DOCK9: variants seen among roughly 807,000 people sequenced by gnomAD.
The protein encoded by DOCK9 is dedicator of cytokinesis protein 9.
Under a neutral mutation model 263.3 loss-of-function variants are expected in DOCK9, and 89 were observed. The observed-to-expected ratio is 0.34, with a 90% CI of 0.28 to 0.40. The LOEUF (loss-of-function observed/expected upper bound fraction) is 0.40. Among genes scored for constraint, DOCK9 ranks in the 10% least tolerant of loss-of-function variants. The pLI is 1.00. For synonymous variants in DOCK9, 976 were observed against 973.1 expected (o/e 1.00, Z -0.06); for missense variants, 2,140 against 2,603.4 (o/e 0.82, Z 3.87).
Position 98,906,326 on chromosome 13 carries a change from C to T in DOCK9, c.961-1620G>A, listed in dbSNP as rs570574325. 7.9e-5 allele frequency among the ~76,000 whole-genome samples: 12 copies of T among 152,144 alleles called. 1 individual carries two copies. Among genetic ancestry groups the T allele is most frequent in the African/African-American group, 2.4e-4 (10 of 41,498 alleles). ...CAGAAGAGAGGCCACGGAAGAAAAC[C>T]GACAGATGGTGGCAGAGATGAGGGC... On this transcript the variant is annotated intron_variant, in intron 9 of 52. Coordinates refer to ENST00000682017, the MANE Select transcript of DOCK9 (RefSeq NM_001366683.2).
At chr13:98,868,531 AG>A (rs957880881) in intron 27 of DOCK9, among the ~76,000 whole-genome samples, 154 bp from the exon 28 acceptor site, 3 of 152,194 alleles carry the variant, frequency 2.0e-5, no homozygotes, top group Admixed American at 2.0e-4. Flanking sequence ...TGGGAAGCCA[AG>A]TTGGGAGGAT....
At chr13:99,078,043 G>A (rs910405808) in intron 1 of DOCK9, among the ~76,000 whole-genome samples, 2 of 152,128 alleles carry the variant, frequency 1.3e-5, no homozygotes, top group African/African-American at 2.4e-5. Flanking sequence ...GTGATGAAAT[G>A]ACACTCCCCA....
chr13:99,077,385 A>G (rs1050159385), intron 1 of DOCK9, among the ~76,000 whole-genome samples: 4 of 151,312 alleles, frequency 2.6e-5, no homozygotes, highest in Admixed American at 2.0e-4. Flanking sequence ...AGTGTGTAGC[A>G]CCTCTCCCTT....
At chr13:99,065,093 T>C (rs17786762) in intron 1 of DOCK9, among the ~76,000 whole-genome samples, 8,486 of 152,242 alleles carry the variant, frequency 0.056, 260 homozygotes, top group Middle Eastern at 0.12. Flanking sequence ...CCTAAGGCTA[T>C]AGTTAATGCC....
Position 98,832,436 on chromosome 13 carries a change from C to T in DOCK9, c.4315-650G>A, listed in dbSNP as rs116532859. Reference sequence around the variant, plus strand: ...GAGATCAAGTGTAGAAACCATCTGACGCATACTTTGGTCTAGCTCAGTAGG... The same window carrying T: ...GAGATCAAGTGTAGAAACCATCTGATGCATACTTTGGTCTAGCTCAGTAGG... On this transcript the variant is annotated intron_variant, in intron 39 of 52. Transcript: ENST00000682017. Among the ~76,000 whole-genome samples the T allele has an allele frequency of 1.2e-4, 18 of 152,148 alleles. No individual in the cohort carries two copies. The East Asian group carries it at 1.5e-3, about 13-fold the overall frequency.
At chr13:99,086,703 C>A (rs1196066705), upstream of DOCK9, 1 of 146,594 alleles carries the variant, frequency 6.8e-6, no homozygotes, top group Non-Finnish European at 1.5e-5. Flanking sequence ...GTGTCCGGCG[C>A]GGCGCGGGCG....
chr13:98,944,459 G>C (rs1438713088), intron 2 of DOCK9, among the ~76,000 whole-genome samples: 1 of 145,996 alleles, frequency 6.8e-6, no homozygotes, highest in East Asian at 2.2e-4. Context: ...GAAATACTTT[G>C]TAAGCATAAA....
chr13:98,990,456 G>A (rs762692635), intron 1 of DOCK9, among the ~76,000 whole-genome samples: 1 of 152,180 alleles, frequency 6.6e-6, no homozygotes, highest in Non-Finnish European at 1.5e-5. Context: ...TTTTACAATT[G>A]AGAGTATGTT....
intron 18 of DOCK9, among the ~76,000 whole-genome samples, chr13:98,887,763 T>C (rs2046009442): frequency 6.6e-6 from 1 of 152,102 alleles, no homozygotes; most frequent in South Asian, 2.1e-4. Context: ...ACTGCTATTA[T>C]TATTACTATA....
At chr13:99,041,015 G>GTCA (rs1888403235) in intron 1 of DOCK9, among the ~76,000 whole-genome samples, 1 of 152,160 alleles carries the variant, frequency 6.6e-6, no homozygotes, top group South Asian at 2.1e-4. Flanking sequence ...GTGTCTAAGA[G>GTCA]TCATCAGTCA....
upstream of DOCK9, chr13:99,086,692 G>T (rs1211807954): frequency 6.8e-6 from 1 of 146,810 alleles, no homozygotes; most frequent in Admixed American, 6.8e-5. Context: ...CTCGGGGCGG[G>T]GTGTCCGGCG....
rs192753233 is a variant in DOCK9 at position 98,867,504 on chromosome 13, A to T, written c.3207T>A (p.Arg1069=). 4.3e-6 allele frequency: 7 copies of T among 1,611,586 alleles called. No homozygotes were observed. In the Admixed American group the frequency reaches 1.2e-4, roughly 27 times the overall value. ...TLFEYKFEFL[R]VVCNHEHYIP... is the part of the protein sequence containing the mutation. ...TATAATGTTCATGGTTGCACACTACACGGAGAAATTCAAACTTGTATTCAA... is the reference window on the plus strand; with the variant it reads ...TATAATGTTCATGGTTGCACACTACTCGGAGAAATTCAAACTTGTATTCAA... Residue 1069 remains arginine (R), a synonymous_variant, in exon 30 of 53, where the codon CGT becomes CGA. Coordinates refer to ENST00000682017, the MANE Select transcript of DOCK9 (RefSeq NM_001366683.2).
intron 32 of DOCK9, among the ~76,000 whole-genome samples, 161 bp from the exon 33 acceptor site, chr13:98,860,683 G>T (rs1480229571): frequency 4.0e-5 from 6 of 151,402 alleles, no homozygotes; most frequent in Non-Finnish European, 8.8e-5. Context: ...TGAGGGTGGA[G>T]GGTGGGATGG....
intron 1 of DOCK9, among the ~76,000 whole-genome samples, chr13:99,051,855 CA>C (rs11392986): frequency 0.038 from 4,043 of 105,850 alleles, 151 homozygotes; most frequent in African/African-American, 0.14. Context: ...CCACTAGTGG[CA>C]AAAAAAAAAA....
chr13:99,070,626 G>A lies in DOCK9; in HGVS notation c.129+15597C>T, dbSNP rs143804290. ...CTAAGTGCTTTATATGCAATTGCTC[G>A]CTTAAGTACAAAGATCTATGGGGTA... is the stretch of plus-strand genomic sequence containing the variant. On this transcript the variant is annotated intron_variant, in intron 1 of 32. Coordinates refer to the DOCK9 transcript ENST00000427887. 1.8e-4 allele frequency among the ~76,000 whole-genome samples: 27 copies of A among 152,298 alleles called. No individual in the cohort carries two copies. In the East Asian group the frequency reaches 3.9e-3, roughly 22 times the overall value.
chr13:98,985,074 G>T (rs558109131), intron 1 of DOCK9, among the ~76,000 whole-genome samples: 2 of 149,938 alleles, frequency 1.3e-5, no homozygotes, highest in African/African-American at 2.4e-5. Flanking sequence ...ATGGGGGCAG[G>T]GGGGTGGGCA....
chr13:98,968,180 T>C (rs1044800398), intron 1 of DOCK9, among the ~76,000 whole-genome samples: 3 of 152,224 alleles, frequency 2.0e-5, no homozygotes, highest in African/African-American at 7.2e-5. Context: ...CAAATGTCAA[T>C]GACATCTTAC....
intron 50 of DOCK9, among the ~76,000 whole-genome samples, chr13:98,797,866 T>C: frequency 6.6e-6 from 1 of 152,240 alleles, no homozygotes; most frequent in East Asian, 1.9e-4. Context: ...GGATTTGTGC[T>C]GCACTACACT....
At chr13:99,029,903 T>C (rs1887153461) in intron 1 of DOCK9, among the ~76,000 whole-genome samples, 1 of 152,196 alleles carries the variant, frequency 6.6e-6, no homozygotes, top group Non-Finnish European at 1.5e-5. Flanking sequence ...AACTGGTAAA[T>C]GGATAAACAA....
Sources: gnomAD v4.1 joint callset for allele counts (sites outside exome capture counted in the v4.1 genomes callset) on GRCh38, gnomAD v4.1.1 for gene constraint, MANE v1.5 for transcripts, NCBI Gene and HGNC (gene_info 2026-07-23, HGNC 2026-07-21) for gene names.